Variants in SCN4A observed in about 807,000 individuals in gnomAD.
The protein encoded by SCN4A is sodium voltage-gated channel alpha subunit 4.
In SCN4A, 83 loss-of-function variants were observed where a neutral mutation model predicts 162.0. The observed-to-expected ratio is 0.51, with a 90% CI of 0.43 to 0.61. SCN4A has a LOEUF of 0.61. SCN4A is among the 20% of genes least tolerant of loss of function. The pLI is 0.00. For synonymous variants in SCN4A, 944 were observed against 985.1 expected (o/e 0.96, Z 0.78); for missense variants, 2,196 against 2,462.5 (o/e 0.89, Z 2.29).
At chr17:63,956,198 T>C (rs1485592379) in intron 13 of SCN4A, among the ~76,000 whole-genome samples, 1 of 152,222 alleles carries the variant, frequency 6.6e-6, no homozygotes, top group Non-Finnish European at 1.5e-5. Flanking sequence ...GCAGAAGAGA[T>C]GCAGTTTATG....
chr17:63,957,375 C>T lies in SCN4A; in HGVS notation c.2163G>A (p.Leu721=), dbSNP rs371312493. The T allele has an allele frequency of 2.9e-5, 46 of 1,613,994 alleles. No individual in the cohort carries two copies. Among genetic ancestry groups the T allele is most frequent in the African/African-American group, 4.0e-5 (3 of 74,932 alleles). ...CGCACTCCTTGTAGCTCTTGCCAAA[C>T]AGCTGCATGCCCACCACGGCGAAGA... ...VFIFAVVGMQ[L]FGKSYKECVC... Residue 721 remains leucine, a synonymous_variant, in exon 13 of 24, where the codon CTG becomes CTA. Transcript: ENST00000435607.
At chr17:63,971,639 A>G in intron 4 of SCN4A, 83 bp downstream of exon 4, 2 of 1,310,636 alleles carry the variant, frequency 1.5e-6, no homozygotes, top group Non-Finnish European at 2.1e-6. Flanking sequence ...TGCAGCCCTC[A>G]GCCCAGGCAG....
At position 63,950,797 on chromosome 17, in the gene SCN4A, G is replaced by A. The variant is rs565119041; in HGVS notation, c.2853+627C>T. Among the ~76,000 whole-genome samples the A allele has an allele frequency of 6.6e-6, 1 of 152,146 alleles. No homozygotes were observed. Among genetic ancestry groups the A allele is most frequent in the African/African-American group, 2.4e-5 (1 of 41,430 alleles). ...ACCGCTGCGTTCCTGTCCCTTCCTC[G>A]ACCTCGCAGTGGAGGGGTGGGGAGG... On this transcript the variant is annotated intron_variant, in intron 14 of 23. Coordinates refer to ENST00000435607, the MANE Select transcript of SCN4A (RefSeq NM_000334.4). This position sits in a 1 kb window ranked among gnomAD's most constrained non-coding sequence, Gnocchi z 4.6.
intron 22 of SCN4A, among the ~76,000 whole-genome samples, 198 bp from the exon 23 acceptor site, chr17:63,943,294 G>A (rs1908606082): frequency 6.6e-6 from 1 of 151,976 alleles, no homozygotes; most frequent in African/African-American, 2.4e-5. Flanking sequence ...TGACCCATCA[G>A]ATCATGACAG....
Position 63,966,256 on chromosome 17 carries a change from C to G in SCN4A, c.1101-13G>C, listed in dbSNP as rs1014410529. On this transcript the variant is annotated splice_polypyrimidine_tract_variant and intron_variant, in intron 7 of 23. Transcript: ENST00000435607. ...CTCAGGGCAGTGCCTAGGAATAGGA[C>G]AGGGGGCTGGGTTTAGGGTGGGAGG... 9 of 1,601,010 alleles carry G rather than the reference C, an allele frequency of 5.6e-6. No individual in the cohort carries two copies. Among genetic ancestry groups the G allele is most frequent in the Non-Finnish European group, 7.7e-6 (9 of 1,173,880 alleles).
chr17:63,951,796 C>T lies in SCN4A; in HGVS notation c.2481G>A (p.Gly827=). The change falls in exon 14 of 24, where the codon GGG becomes GGA. Residue 827 remains glycine, a synonymous_variant. Coordinates refer to ENST00000435607, the MANE Select transcript of SCN4A (RefSeq NM_000334.4). The surrounding 1 kb of genome is among the most constrained non-coding windows in gnomAD (Gnocchi z 4.5). ...GEMNNLQIAI[G]RIKLGIGFAK... ...CAAAGCCGATGCCCAACTTGATGCG[C>T]CCGATGGCAATCTGCAGGTTGTTCA... 2 of 1,584,114 alleles carry T rather than the reference C, an allele frequency of 1.3e-6. No homozygotes were observed. The highest frequency in any genetic ancestry group is 1.7e-6 in the Non-Finnish European group (2 of 1,165,156).
At chr17:63,966,970 T>C (rs1223862003) in intron 6 of SCN4A, among the ~76,000 whole-genome samples, 1 of 54,676 alleles carries the variant, frequency 1.8e-5, no homozygotes, top group Non-Finnish European at 7.5e-5. Flanking sequence ...TGTGAGAATG[T>C]GTGTGTTTCT....
intron 10 of SCN4A, 75 bp downstream of exon 10, chr17:63,963,597 A>T (rs533710672): frequency 1.4e-6 from 2 of 1,419,960 alleles, no homozygotes; most frequent in South Asian, 1.5e-5. Flanking sequence ...CTTCCATGGC[A>T]TCCCTATCCT....
intron 22 of SCN4A, 111 bp downstream of exon 22, chr17:63,943,635 C>A: frequency 4.3e-6 from 3 of 693,014 alleles, no homozygotes; most frequent in East Asian, 5.4e-5. Flanking sequence ...GGCCTAACCT[C>A]ACCCAGGGAC....
intron 9 of SCN4A, 109 bp downstream of exon 9, chr17:63,964,359 A>G: frequency 1.1e-6 from 1 of 925,730 alleles, no homozygotes; most frequent in Non-Finnish European, 1.7e-6. Context: ...CAAAACCCCT[A>G]CCCCTGTACC....
intron 21 of SCN4A, 105 bp from the exon 22 acceptor site, chr17:63,943,955 CCT>C: frequency 1.4e-6 from 1 of 703,838 alleles, no homozygotes; most frequent in Admixed American, 2.2e-5. Flanking sequence ...AGCCCCCGCC[CCT>C]GTTGATCAGC....
intron 23 of SCN4A, 127 bp from the exon 24 acceptor site, chr17:63,942,120 T>C: frequency 2.2e-6 from 2 of 919,178 alleles, no homozygotes; most frequent in South Asian, 1.9e-5. Flanking sequence ...ACAGCCCAGA[T>C]GACTGACAGG....
chr17:63,970,386 AGGGCGAGGCACT>A (rs1468057545), intron 5 of SCN4A, among the ~76,000 whole-genome samples: 1 of 152,214 alleles, frequency 6.6e-6, no homozygotes, highest in East Asian at 1.9e-4. Context: ...AGACATGGAC[AGGGCGAGGCACT>A]TGCCCAAAGT....
intron 18 of SCN4A, 43 bp downstream of exon 18, chr17:63,947,002 T>TCCCCCAAACCCAGCCCCCCC: frequency 6.9e-7 from 1 of 1,449,440 alleles, no homozygotes. Flanking sequence ...AGGTGGCCGG[T>TCCCCCAAACCCAGCCCCCCC]CCCCCATCCC....
intron 10 of SCN4A, 181 bp from the exon 11 acceptor site, chr17:63,961,612 T>C: frequency 1.8e-6 from 1 of 551,362 alleles, no homozygotes; most frequent in African/African-American, 1.9e-5. Context: ...TCACCTCCCC[T>C]GTAACCTCCG....
intron 9 of SCN4A, 46 bp downstream of exon 9, chr17:63,964,422 G>A: frequency 6.4e-7 from 1 of 1,564,074 alleles, no homozygotes; most frequent in Non-Finnish European, 8.8e-7. Flanking sequence ...CCGGCTGAGG[G>A]CAGGTAGAAC....
chr17:63,946,465 C>CG (rs1404864268), intron 18 of SCN4A, among the ~76,000 whole-genome samples: 2 of 124,572 alleles, frequency 1.6e-5, no homozygotes, highest in East Asian at 2.7e-4. Flanking sequence ...TTTTCTTGCC[C>CG]CCCCCCCCAC....
Position 63,963,832 on chromosome 17 carries a change from A to G in SCN4A, c.1453-7T>C. Reference sequence around the variant, plus strand: ...GAGCTTGGGCGGCCTTGGCCTGTAGACCAGCAAGAGTGACTGGCAGGAAGT... The same window carrying G: ...GAGCTTGGGCGGCCTTGGCCTGTAGGCCAGCAAGAGTGACTGGCAGGAAGT... On this transcript the variant is annotated splice_region_variant and splice_polypyrimidine_tract_variant and intron_variant, in intron 9 of 23. Coordinates refer to ENST00000435607, the MANE Select transcript of SCN4A (RefSeq NM_000334.4). The G allele has an allele frequency of 6.3e-7, 1 of 1,594,068 alleles. No individual in the cohort carries two copies. The highest frequency in any genetic ancestry group is 8.5e-7 in the Non-Finnish European group (1 of 1,170,644).
chr17:63,972,525 G>A lies in SCN4A; in HGVS notation c.273+44C>T. On this transcript the variant is annotated intron_variant, in intron 1 of 23. Transcript: ENST00000435607. The surrounding 1 kb of genome is among the most constrained non-coding windows in gnomAD (Gnocchi z 4.3). ...GGGACAGACAGACAGGCAGACAGAT[G>A]GATGGATGGCAGACAGACAGAGGAA... The A allele has an allele frequency of 1.2e-6, 2 of 1,602,408 alleles. No individual in the cohort carries two copies. Among genetic ancestry groups the A allele is most frequent in the Non-Finnish European group, 1.7e-6 (2 of 1,174,236 alleles).
Sources: allele counts gnomAD v4.1 joint callset (sites outside exome capture counted in the v4.1 genomes callset), GRCh38; gene constraint gnomAD v4.1.1; non-coding constraint Gnocchi (gnomAD v3.1); transcripts MANE v1.5; gene names NCBI Gene and HGNC (gene_info 2026-07-23, HGNC 2026-07-21).